IBSP: variants seen among roughly 807,000 people sequenced by gnomAD.
IBSP encodes integrin binding sialoprotein, also known as integrin-binding sialoprotein.
IBSP carries 19 observed loss-of-function variants against 25.5 expected under a neutral mutation model. That is an observed-to-expected ratio of 0.74 (90% CI 0.52 to 1.09). The LOEUF (loss-of-function observed/expected upper bound fraction) is 1.09. Among genes scored for constraint, IBSP ranks in the 50% least tolerant of loss-of-function variants. IBSP has a pLI of 0.00. For missense variants in IBSP, 360 were observed against 382.3 expected, an observed-to-expected ratio of 0.94 and a Z score of 0.49; for synonymous variants, 144 against 137.6, an observed-to-expected ratio of 1.05 and a Z score of -0.33.
chr4:87,811,716 A>G lies in IBSP; in HGVS notation c.760A>G (p.Thr254Ala). 1 of 1,614,016 alleles carries G rather than the reference A, an allele frequency of 6.2e-7. No individual in the cohort carries two copies. Among genetic ancestry groups the G allele is most frequent in the Non-Finnish European group, 8.5e-7 (1 of 1,179,992 alleles). ...AACCACTTCCCCACCTTTTGGGAAA[A>G]CCACCACCGTTGAATACGAGGGGGA... is the stretch of plus-strand genomic sequence containing the variant. ...YRTTSPPFGK[T>A]TTVEYEGEYE... Residue 254 changes from threonine (T) to alanine (A), a missense_variant, in exon 7 of 7, where the codon ACC becomes GCC. Transcript: ENST00000226284.
chr4:87,811,168 T>TC (rs1411684022), intron 6 of IBSP, among the ~76,000 whole-genome samples, 194 bp from the exon 7 acceptor site: 2 of 152,152 alleles, frequency 1.3e-5, no homozygotes, highest in African/African-American at 2.4e-5. Context: ...TGGCACACTT[T>TC]CCCCATCAAA....
intron 6 of IBSP, 51 bp from the exon 7 acceptor site, chr4:87,811,310 AT>A: frequency 6.5e-7 from 1 of 1,542,510 alleles, no homozygotes; most frequent in Non-Finnish European, 8.7e-7. Context: ...ACGGCCTTAA[AT>A]TTTACATTTT....
At chr4:87,810,488 C>T (rs112745378) in intron 5 of IBSP, 118 bp from the exon 6 acceptor site, 8 of 751,974 alleles carry the variant, frequency 1.1e-5, no homozygotes, top group African/African-American at 1.8e-5. Flanking sequence ...GATCAGCCAG[C>T]TGAGGGATGC....
Position 87,810,596 on chromosome 4 carries a change from T to G in IBSP, c.247-10T>G. On this transcript the variant is annotated splice_polypyrimidine_tract_variant and intron_variant, in intron 5 of 6. Coordinates refer to ENST00000226284, the MANE Select transcript of IBSP (RefSeq NM_004967.4). The stretch of plus-strand genomic sequence containing the variant: ...AAAATAATTTTTCTTACTATGAATA[T>G]TTTTAACAGGAGACTTCAAATGAAG... 1.3e-6 allele frequency: 2 copies of G among 1,595,698 alleles called. No homozygotes were observed. The highest frequency in any genetic ancestry group is 1.7e-6 in the Non-Finnish European group (2 of 1,164,270).
chr4:87,800,996 C>T (rs139607942), intron 1 of IBSP, among the ~76,000 whole-genome samples: 65 of 152,226 alleles, frequency 4.3e-4, no homozygotes, highest in African/African-American at 1.5e-3. Flanking sequence ...AGGCTTTCAG[C>T]TAAGCTTGCC....
chr4:87,805,675 G>C (rs1722079366), intron 4 of IBSP, among the ~76,000 whole-genome samples: 1 of 152,250 alleles, frequency 6.6e-6, no homozygotes, highest in Admixed American at 6.5e-5. Context: ...CTTAGCCCAA[G>C]GTCTGCCTTG....
intron 5 of IBSP, among the ~76,000 whole-genome samples, chr4:87,807,653 C>T (rs778398477): frequency 9.9e-5 from 15 of 152,246 alleles, no homozygotes; most frequent in Admixed American, 3.3e-4. Flanking sequence ...AGTGGCTCTT[C>T]GTTTGTTGTT....
intron 1 of IBSP, among the ~76,000 whole-genome samples, chr4:87,800,675 C>T (rs3805376): frequency 0.19 from 28,470 of 152,050 alleles, 2,919 homozygotes; most frequent in African/African-American, 0.26. Context: ...GGCACCAAAA[C>T]CCAAAGACTC....
In IBSP at chr4:87,812,073, CT is replaced by C; in HGVS notation, c.*165del. ...ATTGCTTCTGCAAAGTAATAGGCTT[CT>C]TGTCCCTTTTTTTTCTGGCATGTTA... On this transcript the variant is annotated 3_prime_UTR_variant, in exon 7 of 7. Transcript: ENST00000226284. 1 of 525,000 alleles carries C rather than the reference CT, an allele frequency of 1.9e-6. No homozygotes were observed. The allele number at this position is 525,000 out of a possible 1,614,324, so 32.5% of individuals were successfully genotyped here.
intron 1 of IBSP, 117 bp downstream of exon 1, chr4:87,799,750 ATAAT>A (rs2110055068): frequency 6.6e-6 from 1 of 152,328 alleles, no homozygotes; most frequent in African/African-American, 2.4e-5. Context: ...ACATGGTTTA[ATAAT>A]TATTTATCAT....
chr4:87,800,377 T>C (rs1402580320), intron 1 of IBSP, among the ~76,000 whole-genome samples: 1 of 152,202 alleles, frequency 6.6e-6, no homozygotes, highest in Non-Finnish European at 1.5e-5. Flanking sequence ...TTTATTGTTA[T>C]GAGAAATTTG....
intron 5 of IBSP, among the ~76,000 whole-genome samples, chr4:87,806,933 A>G (rs1722096962): frequency 6.6e-6 from 1 of 151,994 alleles, no homozygotes; most frequent in Non-Finnish European, 1.5e-5. Context: ...TGAACCCGGA[A>G]GGTGGAGGTT....
intron 4 of IBSP, among the ~76,000 whole-genome samples, chr4:87,804,256 T>A (rs541251109): frequency 6.6e-6 from 1 of 152,190 alleles, no homozygotes; most frequent in African/African-American, 2.4e-5. Context: ...AAGTGTATTG[T>A]TAGGTGTTTA....
At chr4:87,801,790 C>G (rs1722020852) in intron 1 of IBSP, among the ~76,000 whole-genome samples, 1 of 152,046 alleles carries the variant, frequency 6.6e-6, no homozygotes. Context: ...GTGTGCACCA[C>G]CATGCCAAGC....
At chr4:87,799,681 T>C (rs1397764539) in intron 1 of IBSP, 48 bp downstream of exon 1, 1 of 152,218 alleles carries the variant, frequency 6.6e-6, no homozygotes, top group Admixed American at 6.6e-5. Context: ...AGACACTCCA[T>C]AGTTTACATC....
At chr4:87,809,919 G>A (rs556549005) in intron 5 of IBSP, among the ~76,000 whole-genome samples, 43 of 152,268 alleles carry the variant, frequency 2.8e-4, no homozygotes, top group Admixed American at 1.0e-3. Context: ...TTCATTTGAA[G>A]AGTATTAATT....
chr4:87,806,639 C>T (rs190355910), intron 5 of IBSP, among the ~76,000 whole-genome samples: 6 of 152,156 alleles, frequency 3.9e-5, no homozygotes, highest in East Asian at 3.9e-4. Context: ...TGTAAAAACC[C>T]GTATATCTCC....
rs1722159775 is a variant in IBSP, at chr4:87,810,751, A to C, written c.392A>C (p.Gln131Pro). Residue 131 changes from glutamine to proline, a missense_variant, in exon 6 of 7, where the codon CAG (glutamine) becomes CCG (proline). Gln to Pro is a moderately conservative substitution (Grantham distance 76, BLOSUM62 -1). Transcript: ENST00000226284. Reference protein sequence around the residue: ...GTGYTGLAAIQLPKKAGDITN... With the variant: ...GTGYTGLAAIPLPKKAGDITN... ...GGGTATACAGGGTTAGCTGCAATCC[A>C]GCTTCCCAAGAAGGTAACAATGGAA... 1 of 1,609,748 alleles carries C rather than the reference A, an allele frequency of 6.2e-7. No homozygotes were observed. Among genetic ancestry groups the C allele is most frequent in the Admixed American group, 1.7e-5 (1 of 59,094 alleles).
chr4:87,811,495 G>C lies in IBSP; in HGVS notation c.539G>C (p.Ser180Thr). Residue 180 changes from serine (S) to threonine (T), a missense_variant, in exon 7 of 7, where the codon AGT (serine) becomes ACT (threonine). Ser to Thr is a moderately conservative substitution (Grantham distance 58). Coordinates refer to ENST00000226284, the MANE Select transcript of IBSP (RefSeq NM_004967.4). ...AACGAACAAGGCATAAACGGCACCA[G>C]TACCAACAGCACAGAGGCAGAAAAC... ...DENEQGINGT[S>T]TNSTEAENGN... 7.4e-6 allele frequency: 12 copies of C among 1,614,036 alleles called. No homozygotes were observed. Among genetic ancestry groups the C allele is most frequent in the Non-Finnish European group, 1.0e-5 (12 of 1,179,986 alleles).
Sources: allele counts gnomAD v4.1 joint callset (sites outside exome capture counted in the v4.1 genomes callset), GRCh38; gene constraint gnomAD v4.1.1; transcripts MANE v1.5; gene names NCBI Gene and HGNC (gene_info 2026-07-23, HGNC 2026-07-21).